The following CSMD1 variants were observed in gnomAD, a reference collection of about 807,000 sequenced individuals.
CSMD1 encodes the protein CUB and sushi domain-containing protein 1.
A neutral mutation model predicts 417.5 loss-of-function variants in CSMD1; 213 were observed. The ratio of observed to expected loss-of-function variants is 0.51; its 90% CI spans 0.46 to 0.57. The LOEUF is 0.57. CSMD1 is among the 20% of genes least tolerant of loss of function. The pLI is 0.00. For missense variants in CSMD1, 6,923 were observed against 4,529.7 expected (o/e 1.53, Z -15.17); for synonymous variants, 2,862 against 1,736.8 (o/e 1.65, Z -16.11).
intron 52 of CSMD1, among the ~76,000 whole-genome samples, chr8:3,011,509 A>G (rs1808379696): frequency 6.6e-6 from 1 of 152,242 alleles, no homozygotes; most frequent in Admixed American, 6.5e-5. Context: ...CAGTATTTTG[A>G]ATCATGTCAT....
At chr8:4,232,348 G>T (rs185799347) in intron 3 of CSMD1, among the ~76,000 whole-genome samples, 3 of 152,062 alleles carry the variant, frequency 2.0e-5, no homozygotes, top group Non-Finnish European at 2.9e-5. Context: ...ACAGGCACCC[G>T]CCATTAAGCC....
chr8:4,090,260 T>A (rs888315278), intron 3 of CSMD1, among the ~76,000 whole-genome samples: 4 of 152,204 alleles, frequency 2.6e-5, no homozygotes, highest in African/African-American at 7.2e-5. Flanking sequence ...AGCCCTGTTG[T>A]CAAAGAGCTT....
chr8:3,972,093 C>G (rs1230778020), intron 5 of CSMD1, among the ~76,000 whole-genome samples: 1 of 152,100 alleles, frequency 6.6e-6, no homozygotes, highest in African/African-American at 2.4e-5. Context: ...CTGATCCTGA[C>G]TTCCTGGGCT....
intron 54 of CSMD1, among the ~76,000 whole-genome samples, chr8:2,994,145 C>CAAAAAAAAAAAAAAAAAAAAAAAAAA (rs35438493): frequency 1.3e-4 from 4 of 30,520 alleles, no homozygotes; most frequent in African/African-American, 9.5e-4. Flanking sequence ...AACTCCATCT[C>CAAAAAAAAAAAAAAAAAAAAAAAAAA]AAAAAAAAAA....
At chr8:3,268,506 G>T (rs949695872) in intron 26 of CSMD1, among the ~76,000 whole-genome samples, 1 of 151,700 alleles carries the variant, frequency 6.6e-6, no homozygotes, top group Non-Finnish European at 1.5e-5. Context: ...AGCCAGGATG[G>T]TCTCAATTTC....
intron 1 of CSMD1, among the ~76,000 whole-genome samples, chr8:4,724,194 A>C (rs1174451079): frequency 6.6e-6 from 1 of 152,268 alleles, no homozygotes; most frequent in African/African-American, 2.4e-5. Flanking sequence ...TTTTATGATA[A>C]TAATTATAGT....
At chr8:4,557,092 C>A (rs771168922) in intron 2 of CSMD1, among the ~76,000 whole-genome samples, 1 of 152,134 alleles carries the variant, frequency 6.6e-6, no homozygotes, top group Non-Finnish European at 1.5e-5. Flanking sequence ...TTATAAAATG[C>A]TGTCAAAATG....
intron 15 of CSMD1, among the ~76,000 whole-genome samples, chr8:3,403,655 C>T (rs778402021): frequency 9.9e-5 from 15 of 152,126 alleles, no homozygotes; most frequent in Non-Finnish European, 1.2e-4. Context: ...GTGGCCAGGA[C>T]AGAACAGAGA....
At chr8:3,654,451 G>A (rs1441809713) in intron 7 of CSMD1, among the ~76,000 whole-genome samples, 1 of 152,120 alleles carries the variant, frequency 6.6e-6, no homozygotes, top group South Asian at 2.1e-4. Context: ...AAAAGATAAT[G>A]GTACAGGAAG....
intron 1 of CSMD1, among the ~76,000 whole-genome samples, chr8:4,718,957 G>A (rs1288917985): frequency 1.3e-5 from 2 of 151,940 alleles, no homozygotes; most frequent in Non-Finnish European, 2.9e-5. Context: ...AAATGAGAAC[G>A]TTCATTATAT....
chr8:4,228,410 G>A (rs1327111007), intron 3 of CSMD1, among the ~76,000 whole-genome samples: 1 of 151,846 alleles, frequency 6.6e-6, no homozygotes, highest in South Asian at 2.1e-4. Context: ...CCCATATTTT[G>A]CTGAATTTAA....
At chr8:4,736,357 A>G (rs527830612) in intron 1 of CSMD1, among the ~76,000 whole-genome samples, 79 of 152,308 alleles carry the variant, frequency 5.2e-4, no homozygotes, top group African/African-American at 1.7e-3. Context: ...GGAGATCACA[A>G]TGGTTGGAGG....
intron 2 of CSMD1, among the ~76,000 whole-genome samples, chr8:4,494,999 G>T (rs1801907256): frequency 6.6e-6 from 1 of 151,846 alleles, no homozygotes; most frequent in Non-Finnish European, 1.5e-5. Context: ...TACTAAAGAG[G>T]GAGAAAATAA....
intron 5 of CSMD1, among the ~76,000 whole-genome samples, chr8:3,900,059 G>T (rs112466336): frequency 2.0e-5 from 3 of 151,952 alleles, no homozygotes; most frequent in African/African-American, 7.3e-5. Flanking sequence ...GCTGTAGCTG[G>T]GTAACACTAG....
intron 5 of CSMD1, among the ~76,000 whole-genome samples, chr8:3,877,098 G>C (rs1805874375): frequency 6.6e-6 from 1 of 152,180 alleles, no homozygotes; most frequent in Non-Finnish European, 1.5e-5. Context: ...GATTCAGCCT[G>C]AAGTAGTGCA....
chr8:3,299,444 C>G (rs1052664447), intron 25 of CSMD1, among the ~76,000 whole-genome samples: 5 of 151,938 alleles, frequency 3.3e-5, no homozygotes, highest in Admixed American at 1.3e-4. Flanking sequence ...AAGAGCAACA[C>G]TTTGTCTCAA....
At chr8:3,888,534 C>G (rs1292234412) in intron 5 of CSMD1, among the ~76,000 whole-genome samples, 1 of 152,162 alleles carries the variant, frequency 6.6e-6, no homozygotes, top group Non-Finnish European at 1.5e-5. Flanking sequence ...CCCATCTGAC[C>G]TTGTCATGCC....
At chr8:3,504,803 G>A (rs1027792306) in intron 10 of CSMD1, among the ~76,000 whole-genome samples, 5 of 152,176 alleles carry the variant, frequency 3.3e-5, no homozygotes, top group Admixed American at 2.6e-4. Context: ...GATGCTTGAG[G>A]AGTAAGGTGA....
At chr8:4,655,991 A>C (rs1001383948) in intron 1 of CSMD1, among the ~76,000 whole-genome samples, 6 of 152,140 alleles carry the variant, frequency 3.9e-5, no homozygotes, top group Admixed American at 6.5e-5. Context: ...GGACAATAAA[A>C]AATAAACCTA....
Sources: gnomAD v4.1 joint callset for allele counts (sites outside exome capture counted in the v4.1 genomes callset) on GRCh38, gnomAD v4.1.1 for gene constraint, MANE v1.5 for transcripts, NCBI Gene and HGNC (gene_info 2026-07-23, HGNC 2026-07-21) for gene names.